Variants in TXNL4A observed in about 807,000 individuals in gnomAD.
The protein encoded by TXNL4A is thioredoxin like 4A, also known as thioredoxin-like protein 4A.
In TXNL4A, 17 loss-of-function variants were observed where a neutral mutation model predicts 14.6. The ratio of observed to expected loss-of-function variants is 1.16; its 90% CI spans 0.80 to 1.74. The LOEUF (loss-of-function observed/expected upper bound fraction) is 1.74. Among genes scored for constraint, TXNL4A ranks in the 40% most tolerant of loss-of-function variants. TXNL4A has a pLI of 0.00. For synonymous variants in TXNL4A, 83 were observed against 70.6 expected (o/e 1.18, Z -0.88); for missense variants, 74 against 195.2 (o/e 0.38, Z 3.70).
In TXNL4A at chr18:79,988,521, G is replaced by T; in HGVS notation, c.-129C>A. 9.6e-7 allele frequency: 1 copy of T among 1,045,810 alleles called. No homozygotes were observed. Among genetic ancestry groups the T allele is most frequent in the Non-Finnish European group, 1.2e-6 (1 of 813,088 alleles). The allele number at this position is 1,045,810 out of a possible 1,614,324, so 64.8% of individuals were successfully genotyped here. A position where few individuals can be genotyped will look rare whatever the true frequency, so the allele number is the denominator to read the frequency against. On this transcript the variant is annotated 5_prime_UTR_variant, in exon 1 of 3. Coordinates refer to ENST00000269601, the MANE Select transcript of TXNL4A (RefSeq NM_006701.5). ...CCACGGACGAAATCCGGTCCCGCCC[G>T]CACACGCAAACTCCGCTGGGACTGC...
chr18:80,007,866 G>A (rs1334146567), intron 1 of TXNL4A, among the ~76,000 whole-genome samples: 1 of 152,124 alleles, frequency 6.6e-6, no homozygotes, highest in Non-Finnish European at 1.5e-5. Flanking sequence ...GTCACCAGGT[G>A]GTCTTGGCTC....
chr18:79,978,418 T>G (rs1409850225), intron 1 of TXNL4A, among the ~76,000 whole-genome samples: 2 of 152,198 alleles, frequency 1.3e-5, no homozygotes, highest in Non-Finnish European at 2.9e-5. Context: ...AATTGCAAGT[T>G]TATCAGAGAT....
chr18:80,031,279 A>T (rs2051919323), intron 1 of TXNL4A, among the ~76,000 whole-genome samples: 1 of 152,196 alleles, frequency 6.6e-6, no homozygotes, highest in Admixed American at 6.5e-5. Context: ...GAATGTTGTG[A>T]CCACATTATT....
upstream of TXNL4A, among the ~76,000 whole-genome samples, chr18:79,989,068 A>C (rs2051604083): frequency 6.6e-6 from 1 of 152,194 alleles, no homozygotes; most frequent in South Asian, 2.1e-4. Flanking sequence ...TCCTTGAGGA[A>C]TGTCACCATC....
chr18:79,980,352 T>C (rs973445473), intron 1 of TXNL4A, among the ~76,000 whole-genome samples: 5 of 152,182 alleles, frequency 3.3e-5, no homozygotes, highest in Non-Finnish European at 7.3e-5. Context: ...GGGAAATCAA[T>C]GGGATATGCA....
At chr18:80,006,408 G>A (rs28871381) in intron 1 of TXNL4A, among the ~76,000 whole-genome samples, 6,823 of 152,014 alleles carry the variant, frequency 0.045, 517 homozygotes, top group African/African-American at 0.16. Context: ...AGTTTATTAG[G>A]AAGAATGCTG....
At chr18:80,028,735 C>T (rs2051901494) in intron 1 of TXNL4A, among the ~76,000 whole-genome samples, 1 of 152,190 alleles carries the variant, frequency 6.6e-6, no homozygotes, top group African/African-American at 2.4e-5. Context: ...AAATACAAGG[C>T]TGCAAACATT....
At chr18:79,975,905 T>A (rs953356056) in intron 2 of TXNL4A, among the ~76,000 whole-genome samples, 2 of 151,970 alleles carry the variant, frequency 1.3e-5, no homozygotes, top group Non-Finnish European at 2.9e-5. Flanking sequence ...TTCTTTAGCC[T>A]CTCCGGATGG....
intron 1 of TXNL4A, among the ~76,000 whole-genome samples, chr18:80,016,505 T>G (rs1354308678): frequency 1.3e-5 from 2 of 152,118 alleles, no homozygotes; most frequent in Non-Finnish European, 2.9e-5. Context: ...GGTCTAACTT[T>G]TAAGTCTTTA....
chr18:79,981,104 C>T (rs1430137257), intron 1 of TXNL4A, among the ~76,000 whole-genome samples: 2 of 152,242 alleles, frequency 1.3e-5, no homozygotes, highest in African/African-American at 2.4e-5. Flanking sequence ...TAAATGGTCA[C>T]AGGCATTAGG....
At chr18:79,980,995 T>C (rs2051456215) in intron 1 of TXNL4A, among the ~76,000 whole-genome samples, 1 of 152,254 alleles carries the variant, frequency 6.6e-6, no homozygotes, top group Non-Finnish European at 1.5e-5. Context: ...GTTGCCAGAA[T>C]CCAGCTTTAT....
At chr18:79,994,277 G>A (rs998527575) in intron 1 of TXNL4A, among the ~76,000 whole-genome samples, 1 of 151,770 alleles carries the variant, frequency 6.6e-6, no homozygotes, top group Non-Finnish European at 1.5e-5. Context: ...AATGGAAAAC[G>A]CGGGCACAAA....
intron 1 of TXNL4A, among the ~76,000 whole-genome samples, chr18:79,978,896 G>A (rs1474199344): frequency 1.3e-5 from 2 of 150,698 alleles, no homozygotes; most frequent in Non-Finnish European, 3.0e-5. Context: ...TATTGTGATC[G>A]TACTACAATA....
chr18:80,025,967 C>T (rs1020619780), intron 1 of TXNL4A, among the ~76,000 whole-genome samples: 4 of 152,216 alleles, frequency 2.6e-5, no homozygotes, highest in Admixed American at 1.3e-4. Flanking sequence ...GAGAAAAATC[C>T]AGCAATGCTG....
chr18:80,009,650 G>T (rs984827197), intron 1 of TXNL4A, among the ~76,000 whole-genome samples: 10 of 152,204 alleles, frequency 6.6e-5, no homozygotes, highest in African/African-American at 2.2e-4. Flanking sequence ...AAGTTTTAGA[G>T]CAAGAATGAA....
chr18:79,986,327 G>A (rs1291987510), intron 1 of TXNL4A, among the ~76,000 whole-genome samples: 1 of 152,106 alleles, frequency 6.6e-6, no homozygotes, highest in Non-Finnish European at 1.5e-5. Context: ...GAACTACCGC[G>A]CCTGGCCTAG....
chr18:79,986,517 A>G, intron 1 of TXNL4A: 2 of 936,354 alleles, frequency 2.1e-6, no homozygotes, highest in Non-Finnish European at 2.5e-6. Flanking sequence ...CACTAGTGAT[A>G]CAGTGATTCA....
chr18:80,006,021 A>G (rs1337854564), intron 1 of TXNL4A, among the ~76,000 whole-genome samples: 1 of 152,216 alleles, frequency 6.6e-6, no homozygotes, highest in East Asian at 1.9e-4. Context: ...AGTACTCAGG[A>G]GGCTGAGGCA....
chr18:80,027,831 C>T (rs969825644), intron 1 of TXNL4A, among the ~76,000 whole-genome samples: 14 of 152,326 alleles, frequency 9.2e-5, no homozygotes, highest in African/African-American at 3.4e-4. Flanking sequence ...AGTCAAAGGA[C>T]TGAGTATTAA....
Sources: gnomAD v4.1 joint callset for allele counts (sites outside exome capture counted in the v4.1 genomes callset) on GRCh38, gnomAD v4.1.1 for gene constraint, MANE v1.5 for transcripts, NCBI Gene and HGNC (gene_info 2026-07-23, HGNC 2026-07-21) for gene names.